Variants in MTSS1 observed in about 807,000 individuals in gnomAD.
The protein encoded by MTSS1 is MTSS I-BAR domain containing 1, also known as protein MTSS 1.
MTSS1 carries 18 observed loss-of-function variants against 79.0 expected under a neutral mutation model. The ratio of observed to expected loss-of-function variants is 0.23; its 90% CI spans 0.16 to 0.34. MTSS1 has a LOEUF of 0.34. Ranked by LOEUF, MTSS1 falls within the 10% of genes least tolerant of loss-of-function variation. MTSS1 has a pLI of 1.00. For synonymous variants in MTSS1, 341 were observed against 368.6 expected, an observed-to-expected ratio of 0.93 and a Z score of 0.86; for missense variants, 815 against 986.2, an observed-to-expected ratio of 0.83 and a Z score of 2.33.
intron 3 of MTSS1, among the ~76,000 whole-genome samples, chr8:124,689,731 A>C (rs1827627412): frequency 7.3e-6 from 1 of 137,434 alleles, no homozygotes; most frequent in Non-Finnish European, 1.5e-5. Context: ...GGGCAACGAG[A>C]GTGAAACTCC....
intron 3 of MTSS1, among the ~76,000 whole-genome samples, chr8:124,654,982 A>G (rs1377137568): frequency 6.6e-6 from 1 of 152,250 alleles, no homozygotes; most frequent in African/African-American, 2.4e-5. Context: ...TAATTTAATA[A>G]TATTGCTTTA....
intron 3 of MTSS1, among the ~76,000 whole-genome samples, chr8:124,621,513 T>C (rs1813502276): frequency 6.6e-6 from 1 of 151,940 alleles, no homozygotes; most frequent in African/African-American, 2.4e-5. Context: ...AGCACCAGGC[T>C]TGATGTGATG....
intron 3 of MTSS1, among the ~76,000 whole-genome samples, chr8:124,613,002 G>C (rs988828995): frequency 6.6e-6 from 1 of 152,106 alleles, no homozygotes; most frequent in Non-Finnish European, 1.5e-5. Flanking sequence ...GGTCTCAGGG[G>C]CATTTCTGTG....
chr8:124,577,676 A>G (rs1230098782), intron 6 of MTSS1: 5 of 514,340 alleles, frequency 9.7e-6, no homozygotes, highest in Non-Finnish European at 1.9e-5. Context: ...CTGTGCCTAC[A>G]TTCTGTATTT....
chr8:124,665,425 GT>G (rs1217446129), intron 3 of MTSS1, among the ~76,000 whole-genome samples: 1 of 152,158 alleles, frequency 6.6e-6, no homozygotes, highest in Non-Finnish European at 1.5e-5. Flanking sequence ...TGGGCCCCTG[GT>G]TACTTTGTCT....
chr8:124,655,843 G>A (rs1820835876), intron 3 of MTSS1, among the ~76,000 whole-genome samples: 1 of 152,086 alleles, frequency 6.6e-6, no homozygotes, highest in Non-Finnish European at 1.5e-5. Flanking sequence ...ATTCCAAGAG[G>A]GAAACTGTAG....
intron 3 of MTSS1, among the ~76,000 whole-genome samples, chr8:124,693,265 G>T (rs1229642810): frequency 6.6e-6 from 1 of 152,180 alleles, no homozygotes; most frequent in African/African-American, 2.4e-5. Context: ...GATGTCATCG[G>T]ACAGGTGGGT....
intron 3 of MTSS1, among the ~76,000 whole-genome samples, chr8:124,678,354 C>T (rs892893908): frequency 3.9e-5 from 6 of 152,174 alleles, no homozygotes; most frequent in African/African-American, 1.4e-4. Flanking sequence ...AATAGCCCCA[C>T]CACTTGAGTG....
At chr8:124,555,064 C>CG in intron 13 of MTSS1, among the ~76,000 whole-genome samples, 1 of 152,260 alleles carries the variant, frequency 6.6e-6, no homozygotes, top group Non-Finnish European at 1.5e-5. Context: ...AGACTGGTCT[C>CG]GAACTTCTGC....
intron 3 of MTSS1, among the ~76,000 whole-genome samples, chr8:124,631,461 G>T (rs1815934030): frequency 6.6e-6 from 1 of 152,182 alleles, no homozygotes; most frequent in Non-Finnish European, 1.5e-5. Flanking sequence ...CCCTGTCCTG[G>T]CCCGCAGGCC....
intron 1 of MTSS1, among the ~76,000 whole-genome samples, chr8:124,719,976 C>G (rs1832675973): frequency 6.6e-6 from 1 of 152,108 alleles, no homozygotes; most frequent in Non-Finnish European, 1.5e-5. Flanking sequence ...AACGCTAGAG[C>G]CGGGCTTCAA....
At chr8:124,577,661 T>C in intron 6 of MTSS1, 1 of 517,342 alleles carries the variant, frequency 1.9e-6, no homozygotes, top group Non-Finnish European at 3.9e-6. Flanking sequence ...ACAGAAGGGG[T>C]CTGGCTGTGC....
intron 1 of MTSS1, among the ~76,000 whole-genome samples, chr8:124,725,100 T>C (rs977842147): frequency 6.6e-6 from 1 of 152,186 alleles, no homozygotes; most frequent in African/African-American, 2.4e-5. Context: ...AGGCTTCCTC[T>C]CGTCAAGGAA....
In MTSS1 at chr8:124,597,932, C is replaced by T. The variant is rs1003850924; in HGVS notation, c.209-6697G>A. 3.2e-4 allele frequency among the ~76,000 whole-genome samples: 49 copies of T among 152,190 alleles called. No homozygotes were observed. Among genetic ancestry groups the T allele is most frequent in the African/African-American group, 1.1e-3 (44 of 41,514 alleles). ...AGTTCACTAGAGTGGGGTATCTCGG[C>T]CTCAGCCCTGCTGACATTTTGAACC... On this transcript the variant is annotated intron_variant, in intron 3 of 13. Transcript: ENST00000518547. The surrounding 1 kb of genome is among the most constrained non-coding windows in gnomAD (Gnocchi z 4.6).
chr8:124,593,756 C>T (rs1832269140), intron 3 of MTSS1, among the ~76,000 whole-genome samples: 1 of 152,174 alleles, frequency 6.6e-6, no homozygotes. Flanking sequence ...GTGATTTGTC[C>T]CAGGTTATGT....
chr8:124,601,201 T>C (rs996603973), intron 3 of MTSS1, among the ~76,000 whole-genome samples: 12 of 151,744 alleles, frequency 7.9e-5, no homozygotes, highest in African/African-American at 2.4e-4. Flanking sequence ...CCTGAGATTA[T>C]AGGCGCCCAC....
At chr8:124,712,157 C>T (rs765633841) in intron 1 of MTSS1, among the ~76,000 whole-genome samples, 4 of 152,158 alleles carry the variant, frequency 2.6e-5, no homozygotes, top group African/African-American at 7.2e-5. Context: ...TCTGTGAACA[C>T]ACAAACTGGT....
chr8:124,629,172 G>A (rs1815343923), intron 3 of MTSS1, among the ~76,000 whole-genome samples: 1 of 152,068 alleles, frequency 6.6e-6, no homozygotes, highest in Non-Finnish European at 1.5e-5. Context: ...GAAAACTAAG[G>A]CTCGAATTAA....
intron 3 of MTSS1, among the ~76,000 whole-genome samples, chr8:124,626,153 C>T (rs1814619022): frequency 6.6e-6 from 1 of 152,218 alleles, no homozygotes; most frequent in South Asian, 2.1e-4. Flanking sequence ...AAGTCAACAG[C>T]ACAGTGAATA....
Sources: gnomAD v4.1 joint callset for allele counts (sites outside exome capture counted in the v4.1 genomes callset) on GRCh38, gnomAD v4.1.1 for gene constraint, Gnocchi (gnomAD v3.1) non-coding constraint, MANE v1.5 for transcripts, NCBI Gene and HGNC (gene_info 2026-07-23, HGNC 2026-07-21) for gene names.